The following FOXD2 variants were observed in gnomAD, a reference collection of about 807,000 sequenced individuals.
FOXD2 encodes the protein forkhead box D2.
In FOXD2, 4 loss-of-function variants were observed where a neutral mutation model predicts 6.4. The ratio of observed to expected loss-of-function variants is 0.62; its 90% CI spans 0.31 to 1.42. FOXD2 has a LOEUF of 1.42. Ranked by LOEUF, FOXD2 falls within the 40% of genes most tolerant of loss-of-function variation. FOXD2 has a pLI of 0.08. For missense variants in FOXD2, 709 were observed against 766.8 expected (o/e 0.92, Z 0.89); for synonymous variants, 393 against 373.6 (o/e 1.05, Z -0.60).
rs1409261094 is a variant in FOXD2, at chr1:47,438,876, C to CGCG, written c.749_751dup (p.Ala250dup). ...CGGAGCTGCTGCTGCGTGGCGGGGC[C>CGCG]GCGGCGGCGGGGGATCCCGGCGCTT... is the stretch of plus-strand genomic sequence containing the variant. On this transcript the variant is annotated inframe_insertion, in exon 1 of 1. Coordinates refer to ENST00000334793, the MANE Select transcript of FOXD2 (RefSeq NM_004474.4). 13 of 1,580,906 alleles carry CGCG rather than the reference C, an allele frequency of 8.2e-6. No individual in the cohort carries two copies. The African/African-American group carries it at 9.6e-5, about 12-fold the overall frequency.
At position 47,438,520 on chromosome 1, in the gene FOXD2, C is replaced by T. The variant is rs1412306598; in HGVS notation, c.385C>T (p.Pro129Ser). The change falls in exon 1 of 1, where the codon CCC (proline) becomes TCC (serine). Residue 129 changes from proline to serine, a missense_variant. Physicochemically the swap from Pro to Ser is moderately conservative, Grantham distance 74. Coordinates refer to ENST00000334793, the MANE Select transcript of FOXD2 (RefSeq NM_004474.4). ...AATRSPLVKPPYSYIALITMA... is the reference protein window; with the variant it reads ...AATRSPLVKPSYSYIALITMA... The stretch of plus-strand genomic sequence containing the variant: ...GACGCGGAGCCCGCTGGTGAAGCCG[C>T]CCTACTCGTACATCGCGCTCATCAC... 1 of 1,609,294 alleles carries T rather than the reference C, an allele frequency of 6.2e-7. No homozygotes were observed. Among genetic ancestry groups the T allele is most frequent in the Non-Finnish European group, 8.5e-7 (1 of 1,178,086 alleles).
At position 47,439,434 on chromosome 1, in the gene FOXD2, C is replaced by G; in HGVS notation, c.1299C>G (p.Gly433=). 6.5e-7 allele frequency: 1 copy of G among 1,540,006 alleles called. No individual in the cohort carries two copies. Among genetic ancestry groups the G allele is most frequent in the Admixed American group, 2.0e-5 (1 of 50,198 alleles). ...GGAAPPGAGE[G]SPGPPFAAAA... ...CAGCACCCCCGGGCGCCGGCGAGGGCTCTCCGGGACCGCCATTCGCGGCAG... is the reference window on the plus strand; with the variant it reads ...CAGCACCCCCGGGCGCCGGCGAGGGGTCTCCGGGACCGCCATTCGCGGCAG... Residue 433 remains glycine (G), a synonymous_variant, in exon 1 of 1, where the codon GGC becomes GGG. Transcript: ENST00000334793.
In FOXD2 at chr1:47,438,669, C is replaced by T; in HGVS notation, c.534C>T (p.Asn178=). The T allele has an allele frequency of 6.2e-7, 1 of 1,614,054 alleles. No homozygotes were observed. The highest frequency in any genetic ancestry group is 8.5e-7 in the Non-Finnish European group (1 of 1,179,986). The change falls in exon 1 of 1, where the codon AAC becomes AAT. Residue 178 remains asparagine (N), a synonymous_variant. Transcript: ENST00000334793. ...CCTGGCAGAACAGCATCCGCCACAA[C>T]CTCTCTCTCAACGACTGCTTCGTCA... ...FPAWQNSIRH[N]LSLNDCFVKI...
In FOXD2 at chr1:47,438,432, AGGCGCCGCGGCGGCCCGC is replaced by A; in HGVS notation, c.303_320del (p.Ala103_Ala108del). ...CGGCCGCAGCGGGGAGCCCGGGGCCAGGCGCCGCGGCGGCCCGCGGCGCAGCGGGGCCCGGGCCGGGAC... is the reference window on the plus strand; with the variant it reads ...CGGCCGCAGCGGGGAGCCCGGGGCCAGGCGCAGCGGGGCCCGGGCCGGGAC... On this transcript the variant is annotated inframe_deletion, in exon 1 of 1. Coordinates refer to ENST00000334793, the MANE Select transcript of FOXD2 (RefSeq NM_004474.4). 1 of 1,084,494 alleles carries A rather than the reference AGGCGCCGCGGCGGCCCGC, an allele frequency of 9.2e-7. No individual in the cohort carries two copies. Among genetic ancestry groups the A allele is most frequent in the Non-Finnish European group, 1.1e-6 (1 of 892,018 alleles). 67.2% of individuals were successfully genotyped at this position (1,084,494 alleles called of 1,614,324 possible). A position where few individuals can be genotyped will look rare whatever the true frequency, so the allele number is the denominator to read the frequency against.
rs1358234385 is a variant in FOXD2 at position 47,439,200 on chromosome 1, C to T, written c.1065C>T (p.Phe355=). Residue 355 remains phenylalanine, a synonymous_variant, in exon 1 of 1, where the codon TTC becomes TTT. Transcript: ENST00000334793. Reference sequence around the variant, plus strand: ...CGGGCCCCGCAGGCCTGCCCGCCTTCCTGGGCGCGGAGCTGGGCTGCGCCA... The same window carrying T: ...CGGGCCCCGCAGGCCTGCCCGCCTTTCTGGGCGCGGAGCTGGGCTGCGCCA... ...PGPGPAGLPA[F]LGAELGCAKA... is the part of the protein sequence containing the mutation. 10 of 1,446,110 alleles carry T rather than the reference C, an allele frequency of 6.9e-6. No homozygotes were observed. The highest frequency in any genetic ancestry group is 8.1e-6 in the Non-Finnish European group (9 of 1,111,668). The allele number at this position is 1,446,110 out of a possible 1,614,324, so 89.6% of individuals were successfully genotyped here.
Position 47,440,442 on chromosome 1 carries a change from A to G in FOXD2, c.*819A>G, listed in dbSNP as rs72686276. On this transcript the variant is annotated 3_prime_UTR_variant, in exon 1 of 1. Transcript: ENST00000334793. ...TGGGTGGAAGAGAAGGGTCTGGGCC[A>G]GGGACTGGAGAGGTGGGGGTGGAGT... 4,477 of 167,238 alleles carry G rather than the reference A, an allele frequency of 0.027. 85 individuals carry two copies. Among genetic ancestry groups the G allele is most frequent in the Admixed American group, 0.065 (996 of 15,300 alleles). 10.4% of individuals were successfully genotyped at this position (167,238 alleles called of 1,614,324 possible).
Position 47,438,576 on chromosome 1 carries a change from G to A in FOXD2, c.441G>A (p.Arg147=), listed in dbSNP as rs1455823817. 1 of 1,613,860 alleles carries A rather than the reference G, an allele frequency of 6.2e-7. No individual in the cohort carries two copies. The highest frequency in any genetic ancestry group is 8.5e-7 in the Non-Finnish European group (1 of 1,179,926). Residue 147 remains arginine, a synonymous_variant, in exon 1 of 1, where the codon CGG becomes CGA. Transcript: ENST00000334793. Reference sequence around the variant, plus strand: ...CCATCCTGCAGAGCCCCAAGAAGCGGCTGACGTTGAGCGAGATCTGCGAGT... The same window carrying A: ...CCATCCTGCAGAGCCCCAAGAAGCGACTGACGTTGAGCGAGATCTGCGAGT... The part of the protein sequence containing the change: ...TMAILQSPKK[R]LTLSEICEFI...
chr1:47,439,163 C>T lies in FOXD2; in HGVS notation c.1028C>T (p.Ser343Leu), dbSNP rs1205915178. The T allele has an allele frequency of 1.4e-5, 20 of 1,430,496 alleles. No homozygotes were observed. In the African/African-American group the frequency reaches 1.7e-4, roughly 12 times the overall value. The allele number at this position is 1,430,496 out of a possible 1,614,324, so 88.6% of individuals were successfully genotyped here. A position where few individuals can be genotyped will look rare whatever the true frequency, so the allele number is the denominator to read the frequency against. ...CCAGCTCCTGCGCCTGCCTCAGGCT[C>T]GGGCCCGGGCCCGGGCCCCGCAGGC... ...SAPAPAPASGSGPGPGPAGLP... is the reference protein window; with the variant it reads ...SAPAPAPASGLGPGPGPAGLP... Residue 343 changes from serine (S) to leucine (L), a missense_variant, in exon 1 of 1, where the codon TCG (serine) becomes TTG (leucine). Physicochemically the swap from Ser to Leu is moderately radical, Grantham distance 145 (BLOSUM62 -2). Around this residue, in one of 5 missense-constraint regions of FOXD2, gnomAD observed 322 missense variants for 313.8 expected, o/e 1.03. Coordinates refer to ENST00000334793, the MANE Select transcript of FOXD2 (RefSeq NM_004474.4).
In FOXD2 at chr1:47,438,853, G is replaced by A. The variant is rs764391263; in HGVS notation, c.718G>A (p.Glu240Lys). 2 of 1,606,722 alleles carry A rather than the reference G, an allele frequency of 1.2e-6. No individual in the cohort carries two copies. The highest frequency in any genetic ancestry group is 2.2e-5 in the South Asian group (2 of 90,556). ...GCACCCACACCCGCACCCTCACCCG[G>A]AGCTGCTGCTGCGTGGCGGGGCCGC... is the stretch of plus-strand genomic sequence containing the variant. Reference protein sequence around the residue: ...PPHPHPHPHPELLLRGGAAAA... With the variant: ...PPHPHPHPHPKLLLRGGAAAA... Residue 240 changes from glutamate to lysine, a missense_variant, in exon 1 of 1, where the codon GAG (glutamate) becomes AAG (lysine). This residue lies in a region of FOXD2 where 98 missense variants were observed against 91.0 expected (regional missense o/e 1.08). Transcript: ENST00000334793.
Position 47,440,325 on chromosome 1 carries a change from G to T in FOXD2, c.*702G>T. The T allele has an allele frequency of 6.0e-6, 1 of 166,936 alleles. No homozygotes were observed. The allele number at this position is 166,936 out of a possible 1,614,324, so 10.3% of individuals were successfully genotyped here. A position where few individuals can be genotyped will look rare whatever the true frequency, so the allele number is the denominator to read the frequency against. ...GAATTTCTTTCCTTTCCCTTGGCTG[G>T]CTGGGTCCAGCCATCTCCGGCCAGC... On this transcript the variant is annotated 3_prime_UTR_variant, in exon 1 of 1. Coordinates refer to ENST00000334793, the MANE Select transcript of FOXD2 (RefSeq NM_004474.4).
rs756235492 is a variant in FOXD2, at chr1:47,438,089, C to G, written c.-47C>G. ...AGGCAGCGCGGCCGAGCCCGAGCCG[C>G]TGCCGGAGCGGAGCCGGAGAGTGGC... On this transcript the variant is annotated 5_prime_UTR_variant, in exon 1 of 1. Transcript: ENST00000334793. 1.5e-6 allele frequency: 2 copies of G among 1,336,492 alleles called. No homozygotes were observed. Among genetic ancestry groups the G allele is most frequent in the East Asian group, 6.2e-5 (2 of 32,302 alleles). The allele number at this position is 1,336,492 out of a possible 1,614,324, so 82.8% of individuals were successfully genotyped here.
At position 47,439,676 on chromosome 1, in the gene FOXD2, G is replaced by A. The variant is rs886349416; in HGVS notation, c.*53G>A. ...CCGCACTCCTCAGCCTCTCCCGGGA[G>A]TTCCTGCGGTCCCAGCGGAACTCAG... On this transcript the variant is annotated 3_prime_UTR_variant, in exon 1 of 1. Transcript: ENST00000334793. The A allele has an allele frequency of 4.7e-6, 7 of 1,484,414 alleles. No homozygotes were observed. The highest frequency in any genetic ancestry group is 6.4e-6 in the Non-Finnish European group (7 of 1,101,728). 92.0% of individuals were successfully genotyped at this position (1,484,414 alleles called of 1,614,324 possible).
rs1232798653 is a variant in FOXD2, at chr1:47,440,602, A to G, written c.*979A>G. 6.0e-6 allele frequency: 1 copy of G among 167,158 alleles called. No homozygotes were observed. Among genetic ancestry groups the G allele is most frequent in the African/African-American group, 2.4e-5 (1 of 41,444 alleles). 10.4% of individuals were successfully genotyped at this position (167,158 alleles called of 1,614,324 possible). A position where few individuals can be genotyped will look rare whatever the true frequency, so the allele number is the denominator to read the frequency against. On this transcript the variant is annotated 3_prime_UTR_variant, in exon 1 of 1. Transcript: ENST00000334793. ...CTCCACTGTGGGGAAGCTCTGTGAA[A>G]TCGTCTGATGGTCTGTGTGGAAGAA...
rs1259457804 is a variant in FOXD2 at position 47,439,350 on chromosome 1, G to C, written c.1215G>C (p.Gly405=). 6.2e-5 allele frequency: 93 copies of C among 1,499,110 alleles called. No homozygotes were observed. Among genetic ancestry groups the C allele is most frequent in the Non-Finnish European group, 7.8e-5 (89 of 1,138,172 alleles). The allele number at this position is 1,499,110 out of a possible 1,614,324, so 92.9% of individuals were successfully genotyped here. Reference sequence around the variant, plus strand: ...GTGGTGCAGGCGGCGGGGGCGCCGGGGCAGGGCAGAGGCCTTCCTTCTCTA... The same window carrying C: ...GTGGTGCAGGCGGCGGGGGCGCCGGCGCAGGGCAGAGGCCTTCCTTCTCTA... ...AGGGAGGGGA[G]AGQRPSFSID... is the part of the protein sequence containing the mutation. The change falls in exon 1 of 1, where the codon GGG becomes GGC. Residue 405 remains glycine (G), a synonymous_variant. Coordinates refer to ENST00000334793, the MANE Select transcript of FOXD2 (RefSeq NM_004474.4).
At position 47,438,101 on chromosome 1, in the gene FOXD2, A is replaced by C. The variant is rs1206793719; in HGVS notation, c.-35A>C. 1.5e-6 allele frequency: 2 copies of C among 1,377,510 alleles called. No homozygotes were observed. Among genetic ancestry groups the C allele is most frequent in the Non-Finnish European group, 1.9e-6 (2 of 1,070,260 alleles). 85.3% of individuals were successfully genotyped at this position (1,377,510 alleles called of 1,614,324 possible). A position where few individuals can be genotyped will look rare whatever the true frequency, so the allele number is the denominator to read the frequency against. ...CGAGCCCGAGCCGCTGCCGGAGCGG[A>C]GCCGGAGAGTGGCGGCGGCGGCGGC... is the stretch of plus-strand genomic sequence containing the variant. On this transcript the variant is annotated 5_prime_UTR_variant, in exon 1 of 1. Transcript: ENST00000334793.
Position 47,439,310 on chromosome 1 carries a change from A to G in FOXD2, c.1175A>G (p.Lys392Arg), listed in dbSNP as rs765769636. The change falls in exon 1 of 1, where the codon AAG becomes AGG. Residue 392 changes from lysine (K) to arginine (R), a missense_variant. Coordinates refer to ENST00000334793, the MANE Select transcript of FOXD2 (RefSeq NM_004474.4). ...ACCGCACTTCTGCGCCAGGGCCTCA[A>G]GACGGACGCGGGCGGTGGTGCAGGC... ...LPTALLRQGL[K>R]TDAGGGAGGG... The G allele has an allele frequency of 3.2e-5, 47 of 1,481,346 alleles. No individual in the cohort carries two copies. The highest frequency in any genetic ancestry group is 3.7e-4 in the Middle Eastern group (2 of 5,390). The allele number at this position is 1,481,346 out of a possible 1,614,324, so 91.8% of individuals were successfully genotyped here.
chr1:47,438,275 C>A lies in FOXD2; in HGVS notation c.140C>A (p.Ala47Asp). Residue 47 changes from alanine to aspartate, a missense_variant, in exon 1 of 1, where the codon GCC becomes GAC. Transcript: ENST00000334793. ...GELPARSGPRAPRDVLPHGHE... is the reference protein window; with the variant it reads ...GELPARSGPRDPRDVLPHGHE... ...CTCCCAGCTCGCTCCGGGCCCCGCG[C>A]CCCCCGGGACGTGCTCCCCCACGGC... 7.4e-7 allele frequency: 1 copy of A among 1,352,032 alleles called. No individual in the cohort carries two copies. The highest frequency in any genetic ancestry group is 9.5e-7 in the Non-Finnish European group (1 of 1,055,496). 83.8% of individuals were successfully genotyped at this position (1,352,032 alleles called of 1,614,324 possible).
rs968646649 is a variant in FOXD2, at chr1:47,439,749, C to T, written c.*126C>T. On this transcript the variant is annotated 3_prime_UTR_variant, in exon 1 of 1. Coordinates refer to ENST00000334793, the MANE Select transcript of FOXD2 (RefSeq NM_004474.4). ...AGACCTTGGGCCGGCACGCGTGACA[C>T]GGCACTTCAGGCTCCACGCACAGAA... 1.0e-4 allele frequency: 85 copies of T among 840,626 alleles called. No homozygotes were observed. The Middle Eastern group carries it at 1.1e-3, about 10-fold the overall frequency. 52.1% of individuals were successfully genotyped at this position (840,626 alleles called of 1,614,324 possible).
In FOXD2 at chr1:47,438,567, C is replaced by G. The variant is rs1481022771; in HGVS notation, c.432C>G (p.Pro144=). The stretch of plus-strand genomic sequence containing the variant: ...TCACCATGGCCATCCTGCAGAGCCC[C>G]AAGAAGCGGCTGACGTTGAGCGAGA... ...ALITMAILQS[P]KKRLTLSEIC... The change falls in exon 1 of 1, where the codon CCC becomes CCG. Residue 144 remains proline, a synonymous_variant. Coordinates refer to ENST00000334793, the MANE Select transcript of FOXD2 (RefSeq NM_004474.4). The G allele has an allele frequency of 6.2e-7, 1 of 1,613,780 alleles. No homozygotes were observed. The highest frequency in any genetic ancestry group is 8.5e-7 in the Non-Finnish European group (1 of 1,179,884).
Sources: gnomAD v4.1 joint callset for allele counts on GRCh38, gnomAD v4.1.1 for gene constraint, gnomAD v4.1.1 regional missense constraint, MANE v1.5 for transcripts, NCBI Gene and HGNC (gene_info 2026-07-23, HGNC 2026-07-21) for gene names.